The following SDK1 variants were observed in gnomAD, a reference collection of about 807,000 sequenced individuals.
SDK1 encodes protein sidekick-1.
SDK1 carries 157 observed loss-of-function variants against 245.5 expected under a neutral mutation model. The observed-to-expected ratio is 0.64, with a 90% CI of 0.56 to 0.73. The LOEUF is 0.73. Among genes scored for constraint, SDK1 ranks in the 30% least tolerant of loss-of-function variants. SDK1 has a pLI of 0.00. For missense variants in SDK1, 3,583 were observed against 3,002.3 expected, an observed-to-expected ratio of 1.19 and a Z score of -4.52; for synonymous variants, 1,647 against 1,278.5, an observed-to-expected ratio of 1.29 and a Z score of -6.15.
At chr7:3,552,300 C>T (rs923833010) in intron 1 of SDK1, among the ~76,000 whole-genome samples, 5 of 152,162 alleles carry the variant, frequency 3.3e-5, no homozygotes, top group African/African-American at 9.7e-5. Context: ...CTTGGCCTCC[C>T]AAAGTGTGGG....
chr7:3,581,089 C>G (rs1030180416), intron 1 of SDK1, among the ~76,000 whole-genome samples: 1 of 150,414 alleles, frequency 6.6e-6, no homozygotes, highest in South Asian at 2.1e-4. Flanking sequence ...AACAATTGCA[C>G]CAAAAGCAAA....
At chr7:3,800,090 G>T (rs1779068327) in intron 4 of SDK1, among the ~76,000 whole-genome samples, 1 of 152,020 alleles carries the variant, frequency 6.6e-6, no homozygotes, top group Admixed American at 6.6e-5. Context: ...TTGTGGGTTT[G>T]GCTCTCAGTC....
chr7:4,264,779 C>T lies in SDK1; in HGVS notation c.6382-345C>T, dbSNP rs931319438. On this transcript the variant is annotated intron_variant, in intron 44 of 44. Transcript: ENST00000404826. ...GTGAGGGAGGCCGTGTAGACCTCTC[C>T]TGGGGTGAGGAGACCATGTAGATTG... is the stretch of plus-strand genomic sequence containing the variant. 1.1e-4 allele frequency among the ~76,000 whole-genome samples: 16 copies of T among 152,008 alleles called. 1 individual carries two copies. Among genetic ancestry groups the T allele is most frequent in the Middle Eastern group, 3.4e-3 (1 of 294 alleles).
rs373103564 is a variant in SDK1 at position 3,818,109 on chromosome 7, A to G, written c.714-3341A>G. 1.8e-3 allele frequency among the ~76,000 whole-genome samples: 275 copies of G among 152,270 alleles called. 6 individuals are homozygous for G. The South Asian group carries it at 0.028, about 16-fold the overall frequency. ...TTCCTCTTCTCTTTACTACTATCCC[A>G]TGGAATTGGGAGTTAAAATGATGAG... On this transcript the variant is annotated intron_variant, in intron 4 of 44. Transcript: ENST00000404826.
intron 4 of SDK1, among the ~76,000 whole-genome samples, chr7:3,788,133 G>C (rs1054469052): frequency 6.6e-6 from 1 of 151,516 alleles, no homozygotes; most frequent in Admixed American, 6.6e-5. Flanking sequence ...ATTGAAGCAG[G>C]AAGCCACTCT....
intron 17 of SDK1, among the ~76,000 whole-genome samples, chr7:4,045,611 G>A (rs1048937077): frequency 6.6e-6 from 1 of 152,106 alleles, no homozygotes; most frequent in African/African-American, 2.4e-5. Context: ...AGGATTACCG[G>A]GTCACGTGGC....
intron 19 of SDK1, among the ~76,000 whole-genome samples, chr7:4,053,175 C>G (rs1038104278): frequency 6.6e-6 from 1 of 152,002 alleles, no homozygotes; most frequent in East Asian, 1.9e-4. Flanking sequence ...TGGATGGGCT[C>G]AGCCTTCTGA....
rs140192565 is a variant in SDK1, at chr7:3,584,540, T to C, written c.299-34540T>C. On this transcript the variant is annotated intron_variant, in intron 1 of 44. Coordinates refer to ENST00000404826, the MANE Select transcript of SDK1 (RefSeq NM_152744.4). ...TCCTTGAGAGTTGAACCTTTATCAA[T>C]GGGAACCAGGAAGGATCCTGGCCAG... 5.8e-3 allele frequency among the ~76,000 whole-genome samples: 889 copies of C among 152,254 alleles called. 11 individuals carry two copies. The highest frequency in any genetic ancestry group is 0.02 in the African/African-American group (823 of 41,550).
intron 4 of SDK1, among the ~76,000 whole-genome samples, chr7:3,667,628 C>T (rs762813897): frequency 6.6e-6 from 1 of 152,236 alleles, no homozygotes; most frequent in Non-Finnish European, 1.5e-5. Flanking sequence ...GAGACCCTGG[C>T]AGTCACAGAT....
intron 34 of SDK1, among the ~76,000 whole-genome samples, chr7:4,176,226 G>T (rs545569275): frequency 6.6e-6 from 1 of 150,428 alleles, no homozygotes; most frequent in Non-Finnish European, 1.5e-5. Context: ...GCAGTGGCAC[G>T]ATCACAGCTC....
rs34746302 is a variant in SDK1, at chr7:3,948,251, CTTTTTTTTT to C, written c.848-2656_848-2648del. On this transcript the variant is annotated intron_variant, in intron 5 of 44. Coordinates refer to ENST00000404826, the MANE Select transcript of SDK1 (RefSeq NM_152744.4). ...TGACCTTGTGTGTGTATCACCATTG[CTTTTTTTTT>C]TTTTTTTTTTTTTTTGAGACGGAGT... Among the ~76,000 whole-genome samples the C allele has an allele frequency of 9.1e-3, 725 of 79,674 alleles. 10 individuals carry two copies. Among genetic ancestry groups the C allele is most frequent in the African/African-American group, 0.037 (689 of 18,492 alleles). 52.3% of individuals were successfully genotyped at this position (79,674 alleles called of 152,430 possible).
chr7:3,841,356 A>C (rs1780152488), intron 5 of SDK1, among the ~76,000 whole-genome samples: 2 of 152,146 alleles, frequency 1.3e-5, no homozygotes, highest in South Asian at 4.1e-4. Flanking sequence ...ATTCTGTGTG[A>C]GTCAGTGCAA....
At chr7:3,380,155 C>A (rs555093344) in intron 1 of SDK1, among the ~76,000 whole-genome samples, 57 of 152,180 alleles carry the variant, frequency 3.7e-4, no homozygotes, top group Non-Finnish European at 6.2e-4. Flanking sequence ...AAAAAAGTTC[C>A]TAAAATGATG....
At chr7:3,605,141 A>ACACACAC (rs1270723010) in intron 1 of SDK1, among the ~76,000 whole-genome samples, 207 of 69,756 alleles carry the variant, frequency 3.0e-3, no homozygotes, top group African/African-American at 0.013. Context: ...AAAAAAAAAC[A>ACACACAC]AGAAACACAC....
chr7:3,745,587 C>T (rs915046538), intron 4 of SDK1, among the ~76,000 whole-genome samples: 5 of 152,180 alleles, frequency 3.3e-5, no homozygotes, highest in South Asian at 2.1e-4. Context: ...TTTGATCCTA[C>T]GCATAGATTC....
At chr7:3,508,857 G>C (rs547053630) in intron 1 of SDK1, among the ~76,000 whole-genome samples, 1 of 152,284 alleles carries the variant, frequency 6.6e-6, no homozygotes, top group East Asian at 1.9e-4. Context: ...TAAGTATTTG[G>C]GGATGGATAA....
chr7:3,647,133 C>G (rs567640320), intron 4 of SDK1, among the ~76,000 whole-genome samples: 5 of 152,310 alleles, frequency 3.3e-5, no homozygotes, highest in East Asian at 3.9e-4. Context: ...CACCTGTACT[C>G]CCAGCGCTCT....
intron 39 of SDK1, 48 bp from the exon 40 acceptor site, chr7:4,221,191 G>T (rs917546491): frequency 3.7e-6 from 6 of 1,604,774 alleles, no homozygotes; most frequent in Non-Finnish European, 5.1e-6. Context: ...TGGGATGTGA[G>T]CCCCGCAGGG....
intron 19 of SDK1, among the ~76,000 whole-genome samples, chr7:4,066,345 A>T (rs1779897772): frequency 6.6e-6 from 1 of 152,130 alleles, no homozygotes; most frequent in Non-Finnish European, 1.5e-5. Context: ...TGCTGAGATC[A>T]ATGGATGGAG....
Sources: gnomAD v4.1 joint callset for allele counts (sites outside exome capture counted in the v4.1 genomes callset) on GRCh38, gnomAD v4.1.1 for gene constraint, MANE v1.5 for transcripts, NCBI Gene and HGNC (gene_info 2026-07-23, HGNC 2026-07-21) for gene names.